Variants in DNAJC24 observed in about 807,000 individuals in gnomAD.
DNAJC24 encodes the protein DnaJ heat shock protein family (Hsp40) member C24.
Under a neutral mutation model 18.0 loss-of-function variants are expected in DNAJC24, and 17 were observed. That is an observed-to-expected ratio of 0.94 (90% CI 0.65 to 1.42). The LOEUF is 1.42. Ranked by LOEUF, DNAJC24 falls within the 40% of genes most tolerant of loss-of-function variation. The pLI, the probability that DNAJC24 is intolerant of heterozygous loss-of-function variation, is 0.00. For synonymous variants in DNAJC24, 55 were observed against 57.7 expected, an observed-to-expected ratio of 0.95 and a Z score of 0.21; for missense variants, 158 against 175.6, an observed-to-expected ratio of 0.90 and a Z score of 0.57.
At chr11:31,382,475 T>C (rs890663952) in intron 2 of DNAJC24, among the ~76,000 whole-genome samples, 5 of 152,228 alleles carry the variant, frequency 3.3e-5, no homozygotes, top group African/African-American at 7.2e-5. Context: ...TGCAGGGCCA[T>C]ATAAAAATAC....
At chr11:31,395,404 T>G (rs1952535066) in intron 2 of DNAJC24, among the ~76,000 whole-genome samples, 1 of 152,168 alleles carries the variant, frequency 6.6e-6, no homozygotes. Context: ...TCCATTGGTT[T>G]TATACCCAAT....
At chr11:31,409,600 G>A (rs1202260197) in intron 2 of DNAJC24, among the ~76,000 whole-genome samples, 5 of 152,040 alleles carry the variant, frequency 3.3e-5, no homozygotes, top group Admixed American at 6.6e-5. Flanking sequence ...AATTGTTGAG[G>A]AATATTTCTC....
At chr11:31,376,675 G>C (rs899186138) in intron 2 of DNAJC24, among the ~76,000 whole-genome samples, 1 of 152,158 alleles carries the variant, frequency 6.6e-6, no homozygotes, top group African/African-American at 2.4e-5. Context: ...TCTGACTCTA[G>C]ATTCTCTCGC....
chr11:31,416,412 A>G (rs532362179), intron 3 of DNAJC24: 1 of 152,276 alleles, frequency 6.6e-6, no homozygotes, highest in African/African-American at 2.4e-5. Context: ...ATGCACATGA[A>G]TGTGTTGTGT....
chr11:31,380,066 G>C (rs1233475664), intron 2 of DNAJC24, among the ~76,000 whole-genome samples: 1 of 152,128 alleles, frequency 6.6e-6, no homozygotes, highest in Non-Finnish European at 1.5e-5. Flanking sequence ...CACTGTGCCC[G>C]GCTGAAAGAA....
At chr11:31,374,284 A>AAG in intron 2 of DNAJC24, 1 of 156,830 alleles carries the variant, frequency 6.4e-6, no homozygotes, top group Non-Finnish European at 1.4e-5. Context: ...ATACTTTGCT[A>AAG]AGAGTTTTTA....
At chr11:31,371,968 G>T (rs537427322) in intron 2 of DNAJC24, among the ~76,000 whole-genome samples, 8 of 151,514 alleles carry the variant, frequency 5.3e-5, no homozygotes, top group Non-Finnish European at 1.2e-4. Flanking sequence ...GGATTAAGGC[G>T]CATGCCACCA....
intron 2 of DNAJC24, among the ~76,000 whole-genome samples, chr11:31,398,427 CTTG>C (rs1026792362): frequency 3.9e-5 from 6 of 152,134 alleles, no homozygotes; most frequent in African/African-American, 1.4e-4. Flanking sequence ...TTTCATTTCA[CTTG>C]TTGTTTCCTG....
chr11:31,386,495 T>G (rs1348562055), intron 2 of DNAJC24, among the ~76,000 whole-genome samples: 1 of 151,920 alleles, frequency 6.6e-6, no homozygotes, highest in Non-Finnish European at 1.5e-5. Context: ...AGACACACCA[T>G]GAGCCAGAGG....
chr11:31,414,681 C>A, intron 2 of DNAJC24, 130 bp from the exon 3 acceptor site: 1 of 937,082 alleles, frequency 1.1e-6, no homozygotes, highest in Non-Finnish European at 1.6e-6. Flanking sequence ...ACTGTTGTCT[C>A]ATTGCCTTGG....
intron 2 of DNAJC24, among the ~76,000 whole-genome samples, chr11:31,392,275 G>A (rs76280175): frequency 0.02 from 3,018 of 152,244 alleles, 87 homozygotes; most frequent in African/African-American, 0.068. Flanking sequence ...GTAACATAAA[G>A]GATAAATGCT....
At chr11:31,426,175 T>C (rs1456884611) in intron 3 of DNAJC24, 112 bp from the exon 4 acceptor site, 3 of 652,908 alleles carry the variant, frequency 4.6e-6, no homozygotes, top group Admixed American at 3.4e-5. Flanking sequence ...TTTTAAGTGA[T>C]AGGTAAGTTA....
intron 3 of DNAJC24, among the ~76,000 whole-genome samples, chr11:31,421,293 T>C (rs911740210): frequency 2.0e-5 from 3 of 152,286 alleles, no homozygotes; most frequent in Non-Finnish European, 1.5e-5. Flanking sequence ...AATTACTTGG[T>C]TTTAAGAGAG....
chr11:31,407,684 C>CA (rs1168137675), intron 2 of DNAJC24: 66 of 108,120 alleles, frequency 6.1e-4, no homozygotes, highest in East Asian at 1.9e-3. Context: ...GATCCCATCT[C>CA]AAAAAAAAAA....
intron 2 of DNAJC24, among the ~76,000 whole-genome samples, chr11:31,404,371 A>T (rs1952633641): frequency 6.6e-6 from 1 of 152,118 alleles, no homozygotes; most frequent in African/African-American, 2.4e-5. Flanking sequence ...CTTGGCTATT[A>T]TTTTAAGCTG....
chr11:31,405,054 G>A (rs1247715592), intron 2 of DNAJC24, among the ~76,000 whole-genome samples: 2 of 150,016 alleles, frequency 1.3e-5, no homozygotes, highest in East Asian at 3.9e-4. Flanking sequence ...AGAGAAAGCG[G>A]CATTAGGAAT....
At chr11:31,389,069 C>T (rs1484506317) in intron 2 of DNAJC24, among the ~76,000 whole-genome samples, 9 of 151,354 alleles carry the variant, frequency 5.9e-5, no homozygotes, top group Non-Finnish European at 1.3e-4. Context: ...ATCACCTTCA[C>T]TGTAAGGAAG....
chr11:31,426,405 C>G, intron 4 of DNAJC24, 50 bp downstream of exon 4: 1 of 1,069,968 alleles, frequency 9.3e-7, no homozygotes, highest in Non-Finnish European at 1.3e-6. Flanking sequence ...AAGGAATTTT[C>G]TATAAGAAAA....
chr11:31,381,165 G>A lies in DNAJC24; in HGVS notation c.111+10306G>A, dbSNP rs188124891. 2.7e-4 allele frequency among the ~76,000 whole-genome samples: 41 copies of A among 152,208 alleles called. 2 individuals carry two copies. In the South Asian group the frequency reaches 8.1e-3, roughly 30 times the overall value. On this transcript the variant is annotated intron_variant, in intron 2 of 4. Transcript: ENST00000465995. ...AAAATCATACCTCTTGAGACATGAA[G>A]CATCGTTAAAATTTGACTTCAAGTA...
Sources: gnomAD v4.1 joint callset for allele counts (sites outside exome capture counted in the v4.1 genomes callset) on GRCh38, gnomAD v4.1.1 for gene constraint, MANE v1.5 for transcripts, NCBI Gene and HGNC (gene_info 2026-07-23, HGNC 2026-07-21) for gene names.